PRKN: variants seen among roughly 807,000 people sequenced by gnomAD.
The protein encoded by PRKN is E3 ubiquitin-protein ligase parkin.
In PRKN, 56 loss-of-function variants were observed where a neutral mutation model predicts 59.5. That is an observed-to-expected ratio of 0.94 (90% CI 0.76 to 1.18). PRKN has a LOEUF of 1.18. Ranked by LOEUF, PRKN falls within the 50% of genes most tolerant of loss-of-function variation. The pLI, the probability that PRKN is intolerant of heterozygous loss-of-function variation, is 0.00. For synonymous variants in PRKN, 250 were observed against 222.1 expected (o/e 1.13, Z -1.12); for missense variants, 657 against 596.4 (o/e 1.10, Z -1.06).
At chr6:162,144,742 A>G (rs183781408) in intron 4 of PRKN, among the ~76,000 whole-genome samples, 46 of 152,346 alleles carry the variant, frequency 3.0e-4, no homozygotes, top group African/African-American at 1.1e-3. Context: ...TGGCATGAGC[A>G]AAAAGCAAAC....
At chr6:162,000,210 A>G (rs9355971) in intron 5 of PRKN, among the ~76,000 whole-genome samples, 69,418 of 151,824 alleles carry the variant, frequency 0.46, 16,218 homozygotes, top group East Asian at 0.6. Context: ...AGTTTTGTAA[A>G]AAACTGCCAG....
At chr6:162,236,362 C>G (rs1030670089) in intron 3 of PRKN, among the ~76,000 whole-genome samples, 59 of 152,296 alleles carry the variant, frequency 3.9e-4, no homozygotes, top group African/African-American at 1.3e-3. Context: ...TCAACCCCAG[C>G]CAGCAGAGAG....
At chr6:162,184,562 TAGA>T (rs761106611) in intron 4 of PRKN, among the ~76,000 whole-genome samples, 3 of 152,162 alleles carry the variant, frequency 2.0e-5, no homozygotes, top group Non-Finnish European at 2.9e-5. Context: ...CTGCCCTGTG[TAGA>T]AGGACATGTT....
intron 6 of PRKN, among the ~76,000 whole-genome samples, chr6:161,907,186 A>G (rs1778182106): frequency 6.6e-6 from 1 of 152,174 alleles, no homozygotes; most frequent in African/African-American, 2.4e-5. Context: ...CTTATGGATA[A>G]AGGATACACT....
chr6:161,916,062 A>C (rs181266779), intron 6 of PRKN, among the ~76,000 whole-genome samples: 104 of 152,354 alleles, frequency 6.8e-4, no homozygotes, highest in African/African-American at 2.4e-3. Context: ...ATTAATAAGA[A>C]AAAAGAAAAA....
intron 6 of PRKN, among the ~76,000 whole-genome samples, chr6:161,893,702 A>G (rs891879147): frequency 6.6e-6 from 1 of 152,208 alleles, no homozygotes; most frequent in Non-Finnish European, 1.5e-5. Flanking sequence ...CTGGCAAATA[A>G]TAACTCAACA....
At chr6:162,400,847 A>G (rs1787756410) in intron 2 of PRKN, among the ~76,000 whole-genome samples, 1 of 152,206 alleles carries the variant, frequency 6.6e-6, no homozygotes, top group Non-Finnish European at 1.5e-5. Flanking sequence ...AATTTGAATG[A>G]GGGAACTACT....
At chr6:161,904,657 G>A (rs529097870) in intron 6 of PRKN, among the ~76,000 whole-genome samples, 83 of 152,196 alleles carry the variant, frequency 5.5e-4, no homozygotes, top group African/African-American at 1.8e-3. Context: ...AGGTAAGACC[G>A]CAGGGGGTGG....
chr6:162,329,045 G>A (rs1047229009), intron 2 of PRKN, among the ~76,000 whole-genome samples: 7 of 152,098 alleles, frequency 4.6e-5, no homozygotes, highest in South Asian at 2.1e-4. Context: ...ATATAAGTGC[G>A]TATCTGTATG....
chr6:161,618,615 C>T (rs188940095), intron 7 of PRKN, among the ~76,000 whole-genome samples: 7 of 152,180 alleles, frequency 4.6e-5, no homozygotes, highest in Admixed American at 1.3e-4. Flanking sequence ...ATTGCACTGC[C>T]GCATAAAAAT....
intron 1 of PRKN, among the ~76,000 whole-genome samples, chr6:162,566,981 C>T (rs892092186): frequency 2.6e-5 from 4 of 152,136 alleles, no homozygotes; most frequent in Non-Finnish European, 1.5e-5. Flanking sequence ...CAATGTGATA[C>T]ATCATATCAA....
intron 1 of PRKN, among the ~76,000 whole-genome samples, chr6:162,716,713 G>A (rs1778734098): frequency 1.3e-5 from 1 of 76,552 alleles, no homozygotes; most frequent in Admixed American, 1.7e-4. Context: ...AGTGAGTTAT[G>A]TCCTTGGCTA....
At chr6:161,679,902 C>T (rs1785250068) in intron 7 of PRKN, among the ~76,000 whole-genome samples, 1 of 151,800 alleles carries the variant, frequency 6.6e-6, no homozygotes, top group Non-Finnish European at 1.5e-5. Flanking sequence ...CTACAGGCGC[C>T]TGCCACCAGC....
At chr6:162,146,084 CAA>C (rs1400229522) in intron 4 of PRKN, among the ~76,000 whole-genome samples, 1 of 152,098 alleles carries the variant, frequency 6.6e-6, no homozygotes, top group Non-Finnish European at 1.5e-5. Flanking sequence ...GTTTTTGTTT[CAA>C]TTTAGTTCTA....
rs1785285558 is a variant in PRKN at position 161,680,726 on chromosome 6, C to CATACAT, written c.871+105045_871+105046insATGTAT. Among the ~76,000 whole-genome samples the CATACAT allele has an allele frequency of 2.9e-4, 15 of 51,024 alleles. 2 individuals are homozygous for CATACAT. Among genetic ancestry groups the CATACAT allele is most frequent in the Admixed American group, 1.3e-3 (4 of 2,968 alleles). 33.5% of individuals were successfully genotyped at this position (51,024 alleles called of 152,430 possible). ...TGGGCTCTGAAAACATCCTGAAATA[C>CATACAT]ATATATATATATATATATATATATA... is the stretch of plus-strand genomic sequence containing the variant. On this transcript the variant is annotated intron_variant, in intron 7 of 11. Transcript: ENST00000366898.
chr6:162,239,509 C>T (rs1163351621), intron 3 of PRKN, among the ~76,000 whole-genome samples: 11 of 152,116 alleles, frequency 7.2e-5, no homozygotes, highest in East Asian at 3.9e-4. Flanking sequence ...AGCCATCCAA[C>T]GCAGCGCAGA....
At chr6:162,210,670 T>C (rs1413979414) in intron 3 of PRKN, among the ~76,000 whole-genome samples, 2 of 152,164 alleles carry the variant, frequency 1.3e-5, no homozygotes, top group Admixed American at 6.6e-5. Flanking sequence ...CCAAAATTGA[T>C]TGAAATTTTT....
chr6:161,704,728 T>C lies in PRKN; in HGVS notation c.871+81044A>G, dbSNP rs73783343. Reference sequence around the variant, plus strand: ...CGGTCATTTCTGACCAGTCCTCTGGTCTGACTTCCCGACTGTATCCCTTTC... The same window carrying C: ...CGGTCATTTCTGACCAGTCCTCTGGCCTGACTTCCCGACTGTATCCCTTTC... On this transcript the variant is annotated intron_variant, in intron 7 of 11. Transcript: ENST00000366898. Among the ~76,000 whole-genome samples the C allele has an allele frequency of 1.5e-3, 235 of 152,296 alleles. 1 individual carries two copies. Among genetic ancestry groups the C allele is most frequent in the African/African-American group, 5.2e-3 (217 of 41,558 alleles).
intron 4 of PRKN, among the ~76,000 whole-genome samples, chr6:162,173,290 T>G (rs1389223782): frequency 6.6e-6 from 1 of 152,170 alleles, no homozygotes; most frequent in Non-Finnish European, 1.5e-5. Context: ...ATGTCCTGAT[T>G]GCTGTGCAGT....
Sources: allele counts gnomAD v4.1 joint callset (sites outside exome capture counted in the v4.1 genomes callset), GRCh38; gene constraint gnomAD v4.1.1; transcripts MANE v1.5; gene names NCBI Gene and HGNC (gene_info 2026-07-23, HGNC 2026-07-21).